PATJ: variants seen among roughly 807,000 people sequenced by gnomAD.
PATJ encodes inaD-like protein.
Under a neutral mutation model 224.9 loss-of-function variants are expected in PATJ, and 190 were observed. The observed-to-expected ratio is 0.84, with a 90% CI of 0.75 to 0.95. The LOEUF is 0.95. PATJ is among the 40% of genes least tolerant of loss of function. PATJ has a pLI of 0.00. For missense variants in PATJ, 2,121 were observed against 2,270.3 expected (o/e 0.93, Z 1.34); for synonymous variants, 769 against 820.3 (o/e 0.94, Z 1.07).
In PATJ at chr1:61,823,629, G is replaced by T. The variant is rs192547774; in HGVS notation, c.1818+550G>T. Among the ~76,000 whole-genome samples the T allele has an allele frequency of 2.0e-4, 30 of 152,328 alleles. No individual in the cohort carries two copies. In the East Asian group the frequency reaches 2.5e-3, roughly 13 times the overall value. On this transcript the variant is annotated intron_variant, in intron 15 of 43. Coordinates refer to ENST00000642238, the MANE Select transcript of PATJ (RefSeq NM_001350145.3). The stretch of plus-strand genomic sequence containing the variant: ...GGTCACACAAAAAGACTGCATAGAA[G>T]AGGGTTCTCCCAAGTGTTAGGATAC...
intron 11 of PATJ, among the ~76,000 whole-genome samples, chr1:61,798,004 C>T (rs986767085): frequency 4.6e-5 from 7 of 152,052 alleles, no homozygotes; most frequent in Non-Finnish European, 1.0e-4. Flanking sequence ...TAGGGTTTCA[C>T]CGTGTTGGTA....
chr1:62,081,862 C>T (rs1297732206), intron 32 of PATJ, among the ~76,000 whole-genome samples: 5 of 152,180 alleles, frequency 3.3e-5, no homozygotes, highest in African/African-American at 4.8e-5. Flanking sequence ...CCACCGCACC[C>T]GACCTAAAAG....
At chr1:61,844,224 G>C (rs868383772) in intron 17 of PATJ, among the ~76,000 whole-genome samples, 1 of 152,230 alleles carries the variant, frequency 6.6e-6, no homozygotes, top group Non-Finnish European at 1.5e-5. Context: ...GAGGTCTGCT[G>C]TGTGGACAGT....
At chr1:61,943,684 C>A (rs1012223882) in intron 27 of PATJ, among the ~76,000 whole-genome samples, 9 of 152,168 alleles carry the variant, frequency 5.9e-5, no homozygotes, top group African/African-American at 1.9e-4. Context: ...CAAAAGGCAG[C>A]AGAAACTTCT....
intron 27 of PATJ, among the ~76,000 whole-genome samples, chr1:61,965,121 CAAAAAAAAAAAAAAAAAAAA>C (rs34267345): frequency 0.035 from 1,909 of 54,278 alleles, 20 homozygotes; most frequent in Middle Eastern, 0.066. Flanking sequence ...GACTCTGTCT[CAAAAAAAAAAAAAAAAAAAA>C]AAAAAAAAAA....
chr1:62,084,590 T>A lies in PATJ; in HGVS notation c.4319T>A (p.Ile1440Lys). 6.2e-7 allele frequency: 1 copy of A among 1,613,364 alleles called. No homozygotes were observed. Among genetic ancestry groups the A allele is most frequent in the Non-Finnish European group, 8.5e-7 (1 of 1,179,740 alleles). ...CCTGGACAGGAAATGATTATAGAAA[T>A]ATCCAAGGGACGTTCAGGGCTTGGT... ...IVPGQEMIIE[I>K]SKGRSGLGLS... is the part of the protein sequence containing the mutation. The change falls in exon 33 of 44, where the codon ATA (isoleucine) becomes AAA (lysine). Residue 1440 changes from isoleucine (I) to lysine (K), a missense_variant. Coordinates refer to ENST00000642238, the MANE Select transcript of PATJ (RefSeq NM_001350145.3).
At chr1:61,781,603 C>A (rs1281933329) in intron 7 of PATJ, among the ~76,000 whole-genome samples, 1 of 152,198 alleles carries the variant, frequency 6.6e-6, no homozygotes, top group Non-Finnish European at 1.5e-5. Context: ...AAGGAAAGAG[C>A]ATAGGATTAT....
intron 14 of PATJ, among the ~76,000 whole-genome samples, chr1:61,812,856 T>TA (rs1443070021): frequency 6.6e-6 from 1 of 151,548 alleles, no homozygotes. Context: ...CTAAAAAAAA[T>TA]AAAAAAAGAC....
chr1:62,034,826 C>CT (rs1650057987), intron 29 of PATJ, among the ~76,000 whole-genome samples: 1 of 152,138 alleles, frequency 6.6e-6, no homozygotes, highest in South Asian at 2.1e-4. Context: ...GTGAAAAAAT[C>CT]ATTAAATTGT....
At chr1:61,987,276 G>A (rs1365555884) in intron 27 of PATJ, among the ~76,000 whole-genome samples, 4 of 152,070 alleles carry the variant, frequency 2.6e-5, no homozygotes, top group African/African-American at 7.2e-5. Context: ...CCAATATGCA[G>A]TCTGTTTCTG....
At chr1:61,983,542 T>A (rs1644564090) in intron 27 of PATJ, among the ~76,000 whole-genome samples, 1 of 152,126 alleles carries the variant, frequency 6.6e-6, no homozygotes, top group Non-Finnish European at 1.5e-5. Flanking sequence ...AGAAAAAAAT[T>A]GTATCTGTCT....
intron 27 of PATJ, among the ~76,000 whole-genome samples, chr1:61,968,411 GTTTAT>G (rs1009974986): frequency 1.4e-4 from 21 of 152,038 alleles, no homozygotes; most frequent in African/African-American, 4.3e-4. Flanking sequence ...CTCTTATGTT[GTTTAT>G]TTTATTACGG....
intron 33 of PATJ, among the ~76,000 whole-genome samples, chr1:62,088,201 A>G (rs747124287): frequency 2.0e-4 from 30 of 152,028 alleles, no homozygotes; most frequent in Non-Finnish European, 3.2e-4. Context: ...AATTCTTTGT[A>G]ATTTTATGTC....
chr1:62,074,192 A>C (rs966668660), intron 31 of PATJ, among the ~76,000 whole-genome samples: 1 of 137,372 alleles, frequency 7.3e-6, no homozygotes, highest in African/African-American at 2.7e-5. Flanking sequence ...TATGCTGAAA[A>C]CCCAAATTAA....
intron 31 of PATJ, among the ~76,000 whole-genome samples, chr1:62,075,228 A>C (rs572968041): frequency 1.3e-5 from 2 of 152,196 alleles, no homozygotes; most frequent in African/African-American, 2.4e-5. Context: ...CTGGCAGCTC[A>C]TTATACAGAA....
intron 31 of PATJ, among the ~76,000 whole-genome samples, chr1:62,057,557 T>G (rs1654758799): frequency 6.6e-6 from 1 of 152,180 alleles, no homozygotes; most frequent in South Asian, 2.1e-4. Context: ...TGGCAGTCCA[T>G]GAGAGATGGT....
intron 1 of PATJ, among the ~76,000 whole-genome samples, chr1:61,742,951 G>T (rs537995397): frequency 6.6e-6 from 1 of 152,260 alleles, no homozygotes; most frequent in African/African-American, 2.4e-5. Context: ...TGGTATTCGG[G>T]GGTGGCACGG....
intron 30 of PATJ, among the ~76,000 whole-genome samples, chr1:62,050,036 A>G (rs902881726): frequency 6.6e-6 from 1 of 151,294 alleles, no homozygotes; most frequent in African/African-American, 2.4e-5. Flanking sequence ...GAATCACTTG[A>G]ACCCGGGAGG....
At chr1:61,855,629 G>T (rs762039435) in intron 17 of PATJ, among the ~76,000 whole-genome samples, 1 of 152,130 alleles carries the variant, frequency 6.6e-6, no homozygotes, top group Non-Finnish European at 1.5e-5. Flanking sequence ...TGTCCAGGCT[G>T]GTCTTGAATC....
Sources: gnomAD v4.1 joint callset for allele counts (sites outside exome capture counted in the v4.1 genomes callset) on GRCh38, gnomAD v4.1.1 for gene constraint, MANE v1.5 for transcripts, NCBI Gene and HGNC (gene_info 2026-07-23, HGNC 2026-07-21) for gene names.